The following ECE2 variants were observed in gnomAD, a reference collection of about 807,000 sequenced individuals.
ECE2 encodes the protein endothelin-converting enzyme 2.
A neutral mutation model predicts 100.6 loss-of-function variants in ECE2; 81 were observed. The ratio of observed to expected loss-of-function variants is 0.81; its 90% CI spans 0.67 to 0.97. ECE2 has a LOEUF of 0.97. Ranked by LOEUF, ECE2 falls within the 50% of genes least tolerant of loss-of-function variation. The pLI is 0.00. For missense variants in ECE2, 911 were observed against 988.1 expected, an observed-to-expected ratio of 0.92 and a Z score of 1.05; for synonymous variants, 391 against 391.5, an observed-to-expected ratio of 1.00 and a Z score of 0.02.
chr3:184,285,253 C>A, intron 9 of ECE2, 148 bp downstream of exon 9: 1 of 1,239,168 alleles, frequency 8.1e-7, no homozygotes, highest in Non-Finnish European at 1.1e-6. Context: ...GGCTTTTCCT[C>A]TGCGCTAGGG....
At chr3:184,288,125 A>G (rs1333818090) in intron 11 of ECE2, among the ~76,000 whole-genome samples, 178 bp downstream of exon 11, 1 of 152,096 alleles carries the variant, frequency 6.6e-6, no homozygotes, top group Non-Finnish European at 1.5e-5. Flanking sequence ...CCTGGCCAAC[A>G]TGGTGAAACC....
At chr3:184,287,761 C>T in intron 10 of ECE2, 76 bp from the exon 11 acceptor site, 1 of 1,318,522 alleles carries the variant, frequency 7.6e-7, no homozygotes, top group Non-Finnish European at 1.1e-6. Context: ...GGGCTGCTAG[C>T]CCCAGTGACA....
chr3:184,277,053 G>A (rs756167526), intron 3 of ECE2, 26 bp downstream of exon 3: 1 of 1,613,462 alleles, frequency 6.2e-7, no homozygotes, highest in South Asian at 1.1e-5. Context: ...CTCTTCGTCA[G>A]TATTCATAAC....
intron 1 of ECE2, 143 bp from the exon 2 acceptor site, chr3:184,276,338 G>C: frequency 7.2e-7 from 1 of 1,383,014 alleles, no homozygotes; most frequent in Non-Finnish European, 9.8e-7. Flanking sequence ...GAGAGACCCC[G>C]GGCCCGAGAG....
In ECE2 at chr3:184,287,933, C is replaced by T. The variant is rs756547018; in HGVS notation, c.1360C>T (p.Gln454Ter). ...CTTCGTGAAGGCCACGTTTGACCGG[C>T]AAAGCAAAGAAATTGTGAGTCTACA... The part of the protein sequence containing the change: ...SLFVKATFDR[Q>*]SKEIAEGMIS... Residue 454 changes from glutamine (Q) to a stop codon, truncating the protein, a stop_gained, in exon 11 of 19, where the codon CAA becomes TAA. Coordinates refer to ENST00000404464, the MANE Select transcript of ECE2 (RefSeq NM_001100121.2). LOFTEE classifies it high-confidence loss of function. The T allele has an allele frequency of 6.2e-7, 1 of 1,613,974 alleles. No homozygotes were observed. The highest frequency in any genetic ancestry group is 1.1e-5 in the South Asian group (1 of 91,084).
intron 9 of ECE2, among the ~76,000 whole-genome samples, 165 bp downstream of exon 9, chr3:184,285,270 G>A (rs567922931): frequency 8.5e-5 from 13 of 152,184 alleles, no homozygotes; most frequent in Non-Finnish European, 1.8e-4. Context: ...AGGGTTGCAG[G>A]GTGCTCCCTG....
At position 184,278,532 on chromosome 3, in the gene ECE2, A is replaced by G. The variant is rs749779921; in HGVS notation, c.791A>G (p.Tyr264Cys). 6.2e-7 allele frequency: 1 copy of G among 1,613,916 alleles called. No homozygotes were observed. The highest frequency in any genetic ancestry group is 2.2e-5 in the East Asian group (1 of 44,856). ...CTCTTTCTGCCCTCTCGGGATTACTACTTAAACAGAACTGCCAATGAGAAA... is the reference window on the plus strand; with the variant it reads ...CTCTTTCTGCCCTCTCGGGATTACTGCTTAAACAGAACTGCCAATGAGAAA... Reference protein sequence around the residue: ...SGLFLPSRDYYLNRTANEKVL... With the variant: ...SGLFLPSRDYCLNRTANEKVL... The change falls in exon 7 of 19, where the codon TAC becomes TGC. Residue 264 changes from tyrosine (Y) to cysteine (C), a missense_variant. Tyr to Cys is a radical substitution (Grantham distance 194). Transcript: ENST00000404464.
At position 184,291,312 on chromosome 3, in the gene ECE2, G is replaced by A. The variant is rs372817250; in HGVS notation, c.2026-32G>A. On this transcript the variant is annotated intron_variant, in intron 17 of 18. Transcript: ENST00000404464. This position sits in a 1 kb window ranked among gnomAD's most constrained non-coding sequence, Gnocchi z 4.1. ...TGCCGGGTGGGTGGGGGCAGGCCTGGATGGGCTTGTTGCCCACTGTTCTGT... is the reference window on the plus strand; with the variant it reads ...TGCCGGGTGGGTGGGGGCAGGCCTGAATGGGCTTGTTGCCCACTGTTCTGT... 1,177 of 1,590,366 alleles carry A rather than the reference G, an allele frequency of 7.4e-4. 14 individuals carry two copies. The South Asian group carries it at 0.012, about 17-fold the overall frequency.
Position 184,283,834 on chromosome 3 carries a change from G to A in ECE2, c.866G>A (p.Gly289Asp), listed in dbSNP as rs752781395. Residue 289 changes from glycine to aspartate, a missense_variant, in exon 8 of 19, where the codon GGT becomes GAT. Physicochemically the swap from Gly to Asp is moderately conservative, Grantham distance 94. Transcript: ENST00000404464. The part of the protein sequence containing the change: ...DYMEELGMLL[G>D]GRPTSTREQM... ...ATGGAGGAACTGGGGATGCTGCTGGGTGGGCGGCCCACCTCCACGAGGGAG... is the reference window on the plus strand; with the variant it reads ...ATGGAGGAACTGGGGATGCTGCTGGATGGGCGGCCCACCTCCACGAGGGAG... 4 of 1,613,948 alleles carry A rather than the reference G, an allele frequency of 2.5e-6. No homozygotes were observed. The East Asian group carries it at 6.7e-5, about 27-fold the overall frequency.
intron 7 of ECE2, among the ~76,000 whole-genome samples, chr3:184,281,546 C>A (rs1431105991): frequency 6.6e-6 from 1 of 152,154 alleles, no homozygotes; most frequent in Non-Finnish European, 1.5e-5. Flanking sequence ...GCATTGTGGG[C>A]CAAATTTAGG....
Position 184,292,101 on chromosome 3 carries a change from GGGCT to G in ECE2, c.2164_2167del (p.Leu722Ter). On this transcript the variant is annotated frameshift_variant, in exon 19 of 19. Coordinates refer to ENST00000404464, the MANE Select transcript of ECE2 (RefSeq NM_001100121.2). LOFTEE classifies it high-confidence loss of function. The stretch of plus-strand genomic sequence containing the variant: ...CCGCACACCAGAGAGCTCTCACGAG[GGGCT>G]GGTGACCGACCCCCACAGCCCTGCC... 1 of 1,614,010 alleles carries G rather than the reference GGGCT, an allele frequency of 6.2e-7. No individual in the cohort carries two copies. Among genetic ancestry groups the G allele is most frequent in the African/African-American group, 1.3e-5 (1 of 75,044 alleles).
chr3:184,277,048 C>A, intron 3 of ECE2, 21 bp downstream of exon 3: 1 of 1,613,558 alleles, frequency 6.2e-7, no homozygotes, highest in Non-Finnish European at 8.5e-7. Context: ...CCACACTCTT[C>A]GTCAGTATTC....
rs1225354941 is a variant in ECE2 at position 184,292,539 on chromosome 3, C to G, written c.*301C>G. The stretch of plus-strand genomic sequence containing the variant: ...ATAGGAAGGAGTCTGCCTCTTCTGT[C>G]CCCAGGCTCACTCAGCCTGGCGGCC... On this transcript the variant is annotated 3_prime_UTR_variant, in exon 19 of 19. Transcript: ENST00000404464. 1 of 432,650 alleles carries G rather than the reference C, an allele frequency of 2.3e-6. No individual in the cohort carries two copies. Among genetic ancestry groups the G allele is most frequent in the Non-Finnish European group, 4.2e-6 (1 of 235,674 alleles). The allele number at this position is 432,650 out of a possible 1,614,324, so 26.8% of individuals were successfully genotyped here.
Position 184,276,287 on chromosome 3 carries a change from C to T in ECE2, c.39+95C>T, listed in dbSNP as rs572231153. The T allele has an allele frequency of 1.6e-5, 23 of 1,413,120 alleles. No individual in the cohort carries two copies. The East Asian group carries it at 2.5e-4, about 15-fold the overall frequency. The allele number at this position is 1,413,120 out of a possible 1,614,324, so 87.5% of individuals were successfully genotyped here. A position where few individuals can be genotyped will look rare whatever the true frequency, so the allele number is the denominator to read the frequency against. On this transcript the variant is annotated intron_variant, in intron 1 of 18. Transcript: ENST00000404464. ...GGAGGGGCAGGCGGTGCCCGGCTCGCGGAGGTAAGGCTGCCTCCCGGGCCT... is the reference window on the plus strand; with the variant it reads ...GGAGGGGCAGGCGGTGCCCGGCTCGTGGAGGTAAGGCTGCCTCCCGGGCCT...
In ECE2 at chr3:184,290,548, C is replaced by T. The variant is rs1284827469; in HGVS notation, c.1656-9C>T. 3.1e-6 allele frequency: 5 copies of T among 1,613,018 alleles called. No homozygotes were observed. In the Admixed American group the frequency reaches 8.3e-5, roughly 27 times the overall value. ...CGGGAGCCTCAGCCCCTCACTCTTC[C>T]TCCGCCAGGTGGAGCATGACCCCCC... On this transcript the variant is annotated splice_polypyrimidine_tract_variant and intron_variant, in intron 14 of 18. Transcript: ENST00000404464.
At chr3:184,277,588 C>T in intron 4 of ECE2, 122 bp downstream of exon 4, 1 of 1,130,840 alleles carries the variant, frequency 8.8e-7, no homozygotes. Context: ...GTGAACACTC[C>T]AGAGGGTGGG....
chr3:184,277,016 A>C lies in ECE2; in HGVS notation c.251A>C (p.Gln84Pro). The change falls in exon 3 of 19, where the codon CAG (glutamine) becomes CCG (proline). Residue 84 changes from glutamine to proline, a missense_variant. Coordinates refer to ENST00000404464, the MANE Select transcript of ECE2 (RefSeq NM_001100121.2). Reference sequence around the variant, plus strand: ...GGCTGCCTTGTGGCCCTAGGGGTCCAGTACCACAGAGGTAGGTGGGCCCAC... The same window carrying C: ...GGCTGCCTTGTGGCCCTAGGGGTCCCGTACCACAGAGGTAGGTGGGCCCAC... ...LLGCLVALGVQYHRDPSHSTC... is the reference protein window; with the variant it reads ...LLGCLVALGVPYHRDPSHSTC... 1.9e-6 allele frequency: 3 copies of C among 1,614,020 alleles called. No individual in the cohort carries two copies. The highest frequency in any genetic ancestry group is 2.5e-6 in the Non-Finnish European group (3 of 1,179,990).
chr3:184,285,034 T>C lies in ECE2; in HGVS notation c.1077T>C (p.Ser359=). 1.2e-6 allele frequency: 2 copies of C among 1,614,194 alleles called. No homozygotes were observed. The highest frequency in any genetic ancestry group is 1.7e-6 in the Non-Finnish European group (2 of 1,180,020). ...TGTCACCATTGGAGTTGAGTGACTC[T>C]GAGCCTGTGGTGGTGTATGGGATGG... The part of the protein sequence containing the change: ...FLLSPLELSD[S]EPVVVYGMDY... Residue 359 remains serine (S), a synonymous_variant, in exon 9 of 19, where the codon TCT becomes TCC. Coordinates refer to ENST00000404464, the MANE Select transcript of ECE2 (RefSeq NM_001100121.2).
chr3:184,281,976 G>A (rs1008615225), intron 7 of ECE2, among the ~76,000 whole-genome samples: 3 of 152,230 alleles, frequency 2.0e-5, no homozygotes, highest in African/African-American at 4.8e-5. Flanking sequence ...GCCCGCGCCT[G>A]TAATCCCAGC....
Sources: gnomAD v4.1 joint callset for allele counts (sites outside exome capture counted in the v4.1 genomes callset) on GRCh38, gnomAD v4.1.1 for gene constraint, Gnocchi (gnomAD v3.1) non-coding constraint, MANE v1.5 for transcripts, NCBI Gene and HGNC (gene_info 2026-07-23, HGNC 2026-07-21) for gene names.